CCNY: variants seen among roughly 807,000 people sequenced by gnomAD.
The protein encoded by CCNY is cyclin-Y.
A neutral mutation model predicts 42.8 loss-of-function variants in CCNY; 19 were observed. That is an observed-to-expected ratio of 0.44 (90% CI 0.31 to 0.65). The LOEUF (loss-of-function observed/expected upper bound fraction) is 0.65, where lower values mean the gene tolerates loss of function less well. CCNY is among the 30% of genes least tolerant of loss of function. CCNY has a pLI of 0.07. For missense variants in CCNY, 370 were observed against 437.3 expected (o/e 0.85, Z 1.37); for synonymous variants, 165 against 162.7 (o/e 1.01, Z -0.11).
chr10:35,462,237 A>G (rs924266542), intron 1 of CCNY, among the ~76,000 whole-genome samples: 5 of 152,346 alleles, frequency 3.3e-5, no homozygotes, highest in Non-Finnish European at 5.9e-5. Context: ...GTGTTTCTTC[A>G]AAGCAGCCAT....
chr10:35,345,028 A>G (rs978055863), intron 1 of CCNY, among the ~76,000 whole-genome samples: 6 of 152,318 alleles, frequency 3.9e-5, no homozygotes, highest in Admixed American at 3.3e-4. Flanking sequence ...TAGTGCCGCA[A>G]TAAACATGCA....
intron 1 of CCNY, among the ~76,000 whole-genome samples, chr10:35,411,383 C>T (rs992709213): frequency 1.4e-4 from 21 of 151,856 alleles, no homozygotes; most frequent in African/African-American, 4.1e-4. Context: ...CATAGTGGCG[C>T]GTGCCTGTGA....
At chr10:35,412,236 G>C (rs1318617297) in intron 1 of CCNY, among the ~76,000 whole-genome samples, 1 of 152,084 alleles carries the variant, frequency 6.6e-6, no homozygotes, top group Non-Finnish European at 1.5e-5. Context: ...GGAGGGAGTG[G>C]GCAGTTGGAA....
At chr10:35,269,142 T>C (rs1255690408) in intron 3 of CCNY, among the ~76,000 whole-genome samples, 1 of 152,170 alleles carries the variant, frequency 6.6e-6, no homozygotes. Context: ...TTTTACATAC[T>C]GCCTCCCTTT....
chr10:35,455,072 C>G (rs913807393), intron 1 of CCNY, among the ~76,000 whole-genome samples: 1 of 152,174 alleles, frequency 6.6e-6, no homozygotes, highest in African/African-American at 2.4e-5. Flanking sequence ...ACTGCCTCCC[C>G]TCACCAGGTG....
intron 3 of CCNY, among the ~76,000 whole-genome samples, chr10:35,280,606 A>C (rs1253062319): frequency 6.6e-6 from 1 of 152,194 alleles, no homozygotes; most frequent in Non-Finnish European, 1.5e-5. Context: ...AAATTAACTC[A>C]AAACAGATTG....
At chr10:35,447,622 T>G (rs1391617447) in intron 1 of CCNY, among the ~76,000 whole-genome samples, 2 of 152,288 alleles carry the variant, frequency 1.3e-5, no homozygotes, top group East Asian at 3.9e-4. Flanking sequence ...GTTTGAGGTG[T>G]TGTTTAGTAG....
intron 3 of CCNY, among the ~76,000 whole-genome samples, chr10:35,301,119 T>A (rs565205971): frequency 4.4e-4 from 67 of 152,206 alleles, no homozygotes; most frequent in Non-Finnish European, 7.1e-4. Context: ...TTATACCCAT[T>A]TAAATAGGAG....
intron 2 of CCNY, among the ~76,000 whole-genome samples, chr10:35,486,824 T>C (rs1839797722): frequency 6.6e-6 from 1 of 152,186 alleles, no homozygotes; most frequent in Non-Finnish European, 1.5e-5. Flanking sequence ...TCTCCTTCCC[T>C]TTTTCACACA....
intron 1 of CCNY, among the ~76,000 whole-genome samples, chr10:35,387,518 C>T (rs539011035): frequency 2.0e-5 from 3 of 152,148 alleles, no homozygotes; most frequent in East Asian, 3.9e-4. Context: ...GTCGATTGAT[C>T]AGATAAACAA....
intron 2 of CCNY, among the ~76,000 whole-genome samples, chr10:35,249,119 A>C (rs2095710139): frequency 6.6e-6 from 1 of 152,022 alleles, no homozygotes; most frequent in African/African-American, 2.4e-5. Context: ...AATTTAGTAG[A>C]GATGAGGGAG....
At chr10:35,491,146 A>C (rs1839886859) in intron 2 of CCNY, among the ~76,000 whole-genome samples, 1 of 152,182 alleles carries the variant, frequency 6.6e-6, no homozygotes, top group Non-Finnish European at 1.5e-5. Context: ...TGGCCACCCC[A>C]GTGGCAGGGA....
chr10:35,413,082 G>C (rs1365321098), intron 1 of CCNY, among the ~76,000 whole-genome samples: 1 of 151,890 alleles, frequency 6.6e-6, no homozygotes. Context: ...GGAGAGATAA[G>C]AAGGAAGGAA....
At chr10:35,299,122 T>C (rs933588603) in intron 3 of CCNY, among the ~76,000 whole-genome samples, 5 of 152,234 alleles carry the variant, frequency 3.3e-5, no homozygotes, top group African/African-American at 1.2e-4. Flanking sequence ...CTAATTAAAT[T>C]GCATTTTGTT....
intron 4 of CCNY, among the ~76,000 whole-genome samples, chr10:35,524,941 C>T (rs1292941479): frequency 6.6e-6 from 1 of 152,144 alleles, no homozygotes; most frequent in Non-Finnish European, 1.5e-5. Context: ...AGAGCCTCAC[C>T]ATTGTTAATG....
At chr10:35,535,819 GCT>G (rs1457414866) in intron 7 of CCNY, among the ~76,000 whole-genome samples, 2 of 152,074 alleles carry the variant, frequency 1.3e-5, no homozygotes, top group Non-Finnish European at 2.9e-5. Context: ...TATGAAAATG[GCT>G]CTGCCATTTT....
intron 3 of CCNY, among the ~76,000 whole-genome samples, chr10:35,325,431 G>C (rs1056900992): frequency 1.3e-4 from 19 of 151,554 alleles, no homozygotes; most frequent in African/African-American, 4.4e-4. Flanking sequence ...ACCCACCTTG[G>C]CCTCCCAAAG....
In CCNY at chr10:35,336,598, G is replaced by A. The variant is rs954578136; in HGVS notation, c.-456G>A. Among the ~76,000 whole-genome samples, 1 of 148,434 alleles carries A rather than the reference G, an allele frequency of 6.7e-6. No homozygotes were observed. Among genetic ancestry groups the A allele is most frequent in the Non-Finnish European group, 1.5e-5 (1 of 66,562 alleles). On this transcript the variant is annotated 5_prime_UTR_variant, in exon 1 of 10. Coordinates refer to ENST00000374704, the MANE Select transcript of CCNY (RefSeq NM_145012.6). ...CGCCCGCTCGTCGGCTAGTCCCGCCGTCCGGCGCGGACACGCGTGCCCCCG... is the reference window on the plus strand; with the variant it reads ...CGCCCGCTCGTCGGCTAGTCCCGCCATCCGGCGCGGACACGCGTGCCCCCG...
At chr10:35,536,411 G>A (rs950669663) in intron 7 of CCNY, among the ~76,000 whole-genome samples, 7 of 152,148 alleles carry the variant, frequency 4.6e-5, no homozygotes, top group African/African-American at 1.7e-4. Context: ...AGAGTGGGGT[G>A]CTGCTGAAAA....
Sources: gnomAD v4.1 joint callset for allele counts (sites outside exome capture counted in the v4.1 genomes callset) on GRCh38, gnomAD v4.1.1 for gene constraint, MANE v1.5 for transcripts, NCBI Gene and HGNC (gene_info 2026-07-23, HGNC 2026-07-21) for gene names.